Variants in DNAJC17 observed in about 807,000 individuals in gnomAD.
DNAJC17 encodes the protein DnaJ heat shock protein family (Hsp40) member C17.
Under a neutral mutation model 48.1 loss-of-function variants are expected in DNAJC17, and 35 were observed. The observed-to-expected ratio is 0.73, with a 90% CI of 0.56 to 0.96. The LOEUF (loss-of-function observed/expected upper bound fraction) is 0.96, where lower values mean the gene tolerates loss of function less well. DNAJC17 is among the 50% of genes least tolerant of loss of function. DNAJC17 has a pLI of 0.00. For missense variants in DNAJC17, 355 were observed against 377.1 expected, an observed-to-expected ratio of 0.94 and a Z score of 0.48; for synonymous variants, 117 against 142.7, an observed-to-expected ratio of 0.82 and a Z score of 1.28.
At chr15:40,783,910 G>T (rs1314624526) in intron 1 of DNAJC17, among the ~76,000 whole-genome samples, 1 of 152,068 alleles carries the variant, frequency 6.6e-6, no homozygotes, top group Admixed American at 6.5e-5. Context: ...AAATCTGAGA[G>T]GGGGAGTAGA....
chr15:40,768,036 G>A lies in DNAJC17; in HGVS notation c.819C>T (p.Tyr273=). ...SKGSVLSERD[Y]ESLVMMRMRQ... is the part of the protein sequence containing the mutation. The stretch of plus-strand genomic sequence containing the variant: ...GCATGCGCATCATGACGAGGCTCTC[G>A]TAGTCCCTCTCTGACAGCACTGAGC... Residue 273 remains tyrosine, a synonymous_variant, in exon 11 of 11, where the codon TAC becomes TAT. Transcript: ENST00000220496. The A allele has an allele frequency of 6.3e-7, 1 of 1,590,976 alleles. No homozygotes were observed. The highest frequency in any genetic ancestry group is 8.5e-7 in the Non-Finnish European group (1 of 1,170,820).
Position 40,807,234 on chromosome 15 carries a change from G to A in DNAJC17, c.78+135C>T. 2.6e-6 allele frequency: 4 copies of A among 1,557,842 alleles called. No individual in the cohort carries two copies. In the South Asian group the frequency reaches 4.7e-5, roughly 18 times the overall value. On this transcript the variant is annotated intron_variant, in intron 1 of 10. Coordinates refer to ENST00000220496, the MANE Select transcript of DNAJC17 (RefSeq NM_018163.3). ...AATGTCTGGGAGCCCGCCTGCGGAG[G>A]GCATAGCGCCGACCCTCGCTCCCCG...
chr15:40,780,567 A>G, intron 1 of DNAJC17: 1 of 356,674 alleles, frequency 2.8e-6, no homozygotes, highest in Admixed American at 3.8e-5. Context: ...TCATCCCAGC[A>G]CTTTGGGAGG....
chr15:40,774,021 C>A lies in DNAJC17; in HGVS notation c.682-184G>T, dbSNP rs554454031. Reference sequence around the variant, plus strand: ...TCCTGCGGGAGAGGGGTTGGGGGAGCTTTCTGATGTGGGGAGGCGAGGAGC... The same window carrying A: ...TCCTGCGGGAGAGGGGTTGGGGGAGATTTCTGATGTGGGGAGGCGAGGAGC... On this transcript the variant is annotated intron_variant, in intron 9 of 10. Coordinates refer to ENST00000220496, the MANE Select transcript of DNAJC17 (RefSeq NM_018163.3). Among the ~76,000 whole-genome samples the A allele has an allele frequency of 6.6e-5, 10 of 152,236 alleles. No homozygotes were observed. In the East Asian group the frequency reaches 1.7e-3, roughly 26 times the overall value.
intron 9 of DNAJC17, among the ~76,000 whole-genome samples, chr15:40,774,039 C>T (rs929620100): frequency 5.3e-5 from 8 of 152,084 alleles, no homozygotes; most frequent in East Asian, 3.9e-4. Flanking sequence ...TGTGGGGAGG[C>T]GAGGAGCACA....
Position 40,770,423 on chromosome 15 carries a change from C to T in DNAJC17, c.793-2361G>A. 1 of 1,436,500 alleles carries T rather than the reference C, an allele frequency of 7.0e-7. No individual in the cohort carries two copies. Among genetic ancestry groups the T allele is most frequent in the East Asian group, 2.5e-5 (1 of 40,302 alleles). 89.0% of individuals were successfully genotyped at this position (1,436,500 alleles called of 1,614,324 possible). ...AGGGGAGCCTCCCCAGCTGCTGGCA[C>T]TCACTGCCCCAGCAGGGACCACATG... On this transcript the variant is annotated intron_variant, in intron 10 of 10. Coordinates refer to ENST00000220496, the MANE Select transcript of DNAJC17 (RefSeq NM_018163.3). This position sits in a 1 kb window ranked among gnomAD's most constrained non-coding sequence, Gnocchi z 5.0.
intron 1 of DNAJC17, among the ~76,000 whole-genome samples, chr15:40,783,706 T>TATAA (rs1889564870): frequency 6.7e-6 from 1 of 149,904 alleles, no homozygotes; most frequent in African/African-American, 2.5e-5. Flanking sequence ...CTACTAAAAA[T>TATAA]ATAAAAATTA....
In DNAJC17 at chr15:40,769,145, C is replaced by T. The variant is rs1356909566; in HGVS notation, c.793-1083G>A. ...GTTCCCCTGTTCCTCCCGATGGCTGCACCCCTCCCCTCTCCCCGGCTGCAG... is the reference window on the plus strand; with the variant it reads ...GTTCCCCTGTTCCTCCCGATGGCTGTACCCCTCCCCTCTCCCCGGCTGCAG... On this transcript the variant is annotated intron_variant, in intron 10 of 10. Coordinates refer to ENST00000220496, the MANE Select transcript of DNAJC17 (RefSeq NM_018163.3). The surrounding 1 kb of genome is among the most constrained non-coding windows in gnomAD (Gnocchi z 4.2). Among the ~76,000 whole-genome samples, 1 of 152,220 alleles carries T rather than the reference C, an allele frequency of 6.6e-6. No individual in the cohort carries two copies. The highest frequency in any genetic ancestry group is 1.5e-5 in the Non-Finnish European group (1 of 68,018).
At chr15:40,799,355 C>A (rs561534230) in intron 1 of DNAJC17, among the ~76,000 whole-genome samples, 4 of 150,614 alleles carry the variant, frequency 2.7e-5, no homozygotes, top group East Asian at 3.9e-4. Flanking sequence ...AAAAAAAAAA[C>A]CACACCATGC....
intron 10 of DNAJC17, among the ~76,000 whole-genome samples, chr15:40,773,045 C>G (rs1465447426): frequency 6.6e-6 from 1 of 151,160 alleles, no homozygotes; most frequent in Non-Finnish European, 1.5e-5. Context: ...ACTGCAACCT[C>G]TGCCTCCCTG....
At chr15:40,782,153 G>A (rs1016079128) in intron 1 of DNAJC17, among the ~76,000 whole-genome samples, 4 of 152,082 alleles carry the variant, frequency 2.6e-5, no homozygotes, top group African/African-American at 9.7e-5. Flanking sequence ...GAGCCCGGGA[G>A]GTTGAAGCTG....
At chr15:40,779,881 C>G in intron 2 of DNAJC17, 47 bp downstream of exon 2, 1 of 1,587,494 alleles carries the variant, frequency 6.3e-7, no homozygotes, top group Non-Finnish European at 8.6e-7. Flanking sequence ...AACACAATGC[C>G]CGGGTGAGTG....
chr15:40,792,615 G>A (rs1346406850), intron 1 of DNAJC17: 1 of 723,608 alleles, frequency 1.4e-6, no homozygotes, highest in African/African-American at 1.9e-5. Flanking sequence ...AGGAGTTCGA[G>A]ACCAGCCTGG....
rs1888976527 is a variant in DNAJC17, at chr15:40,767,464, G to A, written c.*476C>T. The A allele has an allele frequency of 7.4e-6, 9 of 1,223,398 alleles. No homozygotes were observed. Among genetic ancestry groups the A allele is most frequent in the African/African-American group, 3.1e-5 (2 of 63,626 alleles). The allele number at this position is 1,223,398 out of a possible 1,614,324, so 75.8% of individuals were successfully genotyped here. A position where few individuals can be genotyped will look rare whatever the true frequency, so the allele number is the denominator to read the frequency against. On this transcript the variant is annotated 3_prime_UTR_variant, in exon 11 of 11. Transcript: ENST00000220496. The stretch of plus-strand genomic sequence containing the variant: ...GCTCCTCTCTTCCCAAATCATCACC[G>A]CCATGGGCCCAGCCCCAAAGGGCAG...
At chr15:40,779,191 C>G in intron 4 of DNAJC17, 32 bp downstream of exon 4, 1 of 1,604,502 alleles carries the variant, frequency 6.2e-7, no homozygotes, top group East Asian at 2.2e-5. Context: ...CACAGGAAAC[C>G]ACAGGCCACC....
chr15:40,794,051 T>A (rs1007970528), intron 1 of DNAJC17, among the ~76,000 whole-genome samples: 7 of 152,112 alleles, frequency 4.6e-5, no homozygotes, highest in Non-Finnish European at 7.4e-5. Flanking sequence ...AAGCAACAAT[T>A]CTTAGCCTTA....
chr15:40,768,066 TCGG>T lies in DNAJC17; in HGVS notation c.793-7_793-5del. ...CCCTCTCTGACAGCACTGAGCCCTG[TCGG>T]ACAGGGCAGGGACAGGGAGGGGTCA... On this transcript the variant is annotated splice_region_variant and splice_polypyrimidine_tract_variant and intron_variant, in intron 10 of 10. Transcript: ENST00000220496. The T allele has an allele frequency of 6.4e-7, 1 of 1,554,700 alleles. No homozygotes were observed. Among genetic ancestry groups the T allele is most frequent in the Non-Finnish European group, 8.7e-7 (1 of 1,153,710 alleles).
chr15:40,780,261 A>G (rs747534118), intron 1 of DNAJC17: 146 of 616,930 alleles, frequency 2.4e-4, no homozygotes, highest in Non-Finnish European at 3.6e-4. Context: ...CTGCTGCAAC[A>G]GGCAGGAGCA....
chr15:40,803,469 T>C (rs1296403397), intron 1 of DNAJC17, among the ~76,000 whole-genome samples: 1 of 152,196 alleles, frequency 6.6e-6, no homozygotes, highest in Non-Finnish European at 1.5e-5. Context: ...GAAAGGAGAA[T>C]GGCTGCTATG....
Sources: gnomAD v4.1 joint callset for allele counts (sites outside exome capture counted in the v4.1 genomes callset) on GRCh38, gnomAD v4.1.1 for gene constraint, Gnocchi (gnomAD v3.1) non-coding constraint, MANE v1.5 for transcripts, NCBI Gene and HGNC (gene_info 2026-07-23, HGNC 2026-07-21) for gene names.